The following C14orf132 variants were observed in gnomAD, a reference collection of about 807,000 sequenced individuals.
The protein encoded by C14orf132 is uncharacterized protein C14orf132.
A neutral mutation model predicts 5.8 loss-of-function variants in C14orf132; 6 were observed. That is an observed-to-expected ratio of 1.03 (90% confidence interval 0.57 to 2.04). The LOEUF (loss-of-function observed/expected upper bound fraction) is 2.04, where lower values mean the gene tolerates loss of function less well. Among genes scored for constraint, C14orf132 ranks in the 30% most tolerant of loss-of-function variants. C14orf132 has a pLI of 0.00. For missense variants in C14orf132, 125 were observed against 115.8 expected, an observed-to-expected ratio of 1.08 and a Z score of -0.37; for synonymous variants, 51 against 49.8, an observed-to-expected ratio of 1.02 and a Z score of -0.10.
intron 1 of C14orf132, among the ~76,000 whole-genome samples, chr14:96,045,354 G>A (rs1470900681): frequency 6.6e-6 from 1 of 152,190 alleles, no homozygotes; most frequent in Non-Finnish European, 1.5e-5. Context: ...TTGGGCAGAG[G>A]GAACTGTGTG....
intron 1 of C14orf132, among the ~76,000 whole-genome samples, chr14:96,075,445 A>G (rs1231774732): frequency 6.6e-6 from 1 of 152,090 alleles, no homozygotes. Flanking sequence ...AAAAACTTTC[A>G]GTGTGATTTT....
chr14:96,053,078 C>A (rs1887075013), intron 1 of C14orf132, among the ~76,000 whole-genome samples: 1 of 152,140 alleles, frequency 6.6e-6, no homozygotes, highest in Non-Finnish European at 1.5e-5. Flanking sequence ...CCAGGACAGC[C>A]CCAGGCCAAC....
chr14:96,045,131 T>C (rs1428966078), intron 1 of C14orf132, among the ~76,000 whole-genome samples: 1 of 152,160 alleles, frequency 6.6e-6, no homozygotes, highest in Non-Finnish European at 1.5e-5. Flanking sequence ...ATTTAGTGTC[T>C]TAGAAAATGT....
intron 1 of C14orf132, among the ~76,000 whole-genome samples, chr14:96,074,075 CG>C (rs2139673123): frequency 6.6e-6 from 1 of 152,248 alleles, no homozygotes; most frequent in East Asian, 1.9e-4. Flanking sequence ...TAATGGAGGC[CG>C]GGCTTAATAC....
rs956488279 is a variant in C14orf132, at chr14:96,039,530, A to T, written c.27+3A>T. On this transcript the variant is annotated splice_donor_region_variant and intron_variant, in intron 1 of 1. Coordinates refer to ENST00000555004, the MANE Select transcript of C14orf132 (RefSeq NM_001252507.3). This position sits in a 1 kb window ranked among gnomAD's most constrained non-coding sequence, Gnocchi z 5.3. Reference sequence around the variant, plus strand: ...ATCTCTCCTTTATGGCCGCGCAGGTAACGGGGCGTCCCCCCCACGCGCCCC... The same window carrying T: ...ATCTCTCCTTTATGGCCGCGCAGGTTACGGGGCGTCCCCCCCACGCGCCCC... 3.3e-6 allele frequency: 5 copies of T among 1,502,800 alleles called. No individual in the cohort carries two copies. The African/African-American group carries it at 4.3e-5, about 13-fold the overall frequency. The allele number at this position is 1,502,800 out of a possible 1,614,324, so 93.1% of individuals were successfully genotyped here.
chr14:96,049,409 C>G (rs1293324939), intron 1 of C14orf132, among the ~76,000 whole-genome samples: 1 of 149,068 alleles, frequency 6.7e-6, no homozygotes, highest in Non-Finnish European at 1.5e-5. Flanking sequence ...GGCTTGATCT[C>G]GGCTCACTGC....
intron 1 of C14orf132, among the ~76,000 whole-genome samples, chr14:96,081,007 C>A (rs1389586696): frequency 1.3e-5 from 2 of 152,166 alleles, no homozygotes; most frequent in African/African-American, 4.8e-5. Flanking sequence ...CCAGAATAGG[C>A]CATTTATAAT....
At chr14:96,064,359 T>TACACACACACAC (rs766139041) in intron 1 of C14orf132, among the ~76,000 whole-genome samples, 8 of 98,666 alleles carry the variant, frequency 8.1e-5, no homozygotes, top group Admixed American at 1.2e-4. Context: ...CTAGGGTGCA[T>TACACACACACAC]ATATACACAC....
chr14:96,062,792 A>C (rs1341202724), intron 1 of C14orf132, among the ~76,000 whole-genome samples: 1 of 152,182 alleles, frequency 6.6e-6, no homozygotes, highest in South Asian at 2.1e-4. Context: ...TGCCAGGTAC[A>C]TTCTTCCTTG....
rs1247435569 is a variant in C14orf132, at chr14:96,089,463, T to G, written c.*2728T>G. On this transcript the variant is annotated 3_prime_UTR_variant, in exon 2 of 2. Coordinates refer to ENST00000555004, the MANE Select transcript of C14orf132 (RefSeq NM_001252507.3). ...GGGAAGTTGGGCTCTAGAGCCAGAC[T>G]GTACTGCCTTCTGCCACACTGTACT... 1 of 152,298 alleles carries G rather than the reference T, an allele frequency of 6.6e-6. No homozygotes were observed. Among genetic ancestry groups the G allele is most frequent in the East Asian group, 1.9e-4 (1 of 5,200 alleles). 9.4% of individuals were successfully genotyped at this position (152,298 alleles called of 1,614,324 possible).
At chr14:96,074,881 A>G (rs996570842) in intron 1 of C14orf132, among the ~76,000 whole-genome samples, 2 of 151,856 alleles carry the variant, frequency 1.3e-5, no homozygotes. Flanking sequence ...CTTTTTCAAA[A>G]TTGTTTTGAT....
At chr14:96,080,389 A>T (rs1022189029) in intron 1 of C14orf132, among the ~76,000 whole-genome samples, 4 of 152,224 alleles carry the variant, frequency 2.6e-5, no homozygotes, top group Non-Finnish European at 5.9e-5. Context: ...GTTCGAGGCC[A>T]GGTTGCTGCA....
chr14:96,056,469 G>A (rs1013547708), intron 1 of C14orf132, among the ~76,000 whole-genome samples: 30 of 152,304 alleles, frequency 2.0e-4, no homozygotes, highest in African/African-American at 5.8e-4. Context: ...AGTGGTCAAG[G>A]GTTTCAGAGG....
intron 1 of C14orf132, among the ~76,000 whole-genome samples, chr14:96,046,763 C>T (rs1185592600): frequency 2.6e-5 from 4 of 152,314 alleles, no homozygotes; most frequent in Admixed American, 6.5e-5. Context: ...TGCTAATTCC[C>T]CTTCTAAAGA....
chr14:96,059,229 G>A (rs1264115203), intron 1 of C14orf132, among the ~76,000 whole-genome samples: 1 of 152,188 alleles, frequency 6.6e-6, no homozygotes, highest in East Asian at 1.9e-4. Flanking sequence ...AAGCTGCAGG[G>A]AGCCATGATT....
At chr14:96,075,863 C>G (rs1308764571) in intron 1 of C14orf132, among the ~76,000 whole-genome samples, 1 of 152,148 alleles carries the variant, frequency 6.6e-6, no homozygotes, top group Non-Finnish European at 1.5e-5. Flanking sequence ...CCACAGTTTT[C>G]TGCTCTTGTA....
At chr14:96,077,061 C>T (rs896490645) in intron 1 of C14orf132, among the ~76,000 whole-genome samples, 1 of 152,144 alleles carries the variant, frequency 6.6e-6, no homozygotes, top group African/African-American at 2.4e-5. Flanking sequence ...CTTTATGACC[C>T]AGGATATGGT....
At chr14:96,053,525 C>T (rs772910147) in intron 1 of C14orf132, among the ~76,000 whole-genome samples, 4 of 152,234 alleles carry the variant, frequency 2.6e-5, no homozygotes, top group African/African-American at 7.2e-5. Context: ...AGACCCCTGG[C>T]CCCCAGAATG....
rs539889057 is a variant in C14orf132, at chr14:96,048,658, C to T, written c.27+9131C>T. ...CACCTGCCTCAGCCTCCCGAATAGA[C>T]GGGATTACAGGTGCATGCCACCATA... On this transcript the variant is annotated intron_variant, in intron 1 of 1. Transcript: ENST00000555004. Among the ~76,000 whole-genome samples the T allele has an allele frequency of 2.4e-4, 37 of 151,942 alleles. No homozygotes were observed. The East Asian group carries it at 6.8e-3, about 28-fold the overall frequency.
Sources: gnomAD v4.1 joint callset for allele counts (sites outside exome capture counted in the v4.1 genomes callset) on GRCh38, gnomAD v4.1.1 for gene constraint, Gnocchi (gnomAD v3.1) non-coding constraint, MANE v1.5 for transcripts, NCBI Gene and HGNC (gene_info 2026-07-23, HGNC 2026-07-21) for gene names.